The following MAST1 variants were observed in gnomAD, a reference collection of about 807,000 sequenced individuals.
The protein encoded by MAST1 is microtubule-associated serine/threonine-protein kinase 1.
Under a neutral mutation model 124.6 loss-of-function variants are expected in MAST1, and 40 were observed. The observed-to-expected ratio is 0.32, with a 90% confidence interval of 0.25 to 0.42. MAST1 has a LOEUF of 0.42. MAST1 is among the 10% of genes least tolerant of loss of function. The pLI is 1.00. For missense variants in MAST1, 1,558 were observed against 2,181.9 expected (o/e 0.71, Z 5.70); for synonymous variants, 938 against 939.4 (o/e 1.00, Z 0.03).
At chr19:12,858,469 G>A (rs1970042721) in intron 11 of MAST1, 28 bp downstream of exon 11, 2 of 1,612,442 alleles carry the variant, frequency 1.2e-6, no homozygotes, top group Non-Finnish European at 8.5e-7. Flanking sequence ...CTGGCGGGGG[G>A]AGGGTGGCGG....
At chr19:12,869,007 A>T in intron 21 of MAST1, 59 bp from the exon 22 acceptor site, 1 of 1,576,222 alleles carries the variant, frequency 6.3e-7, no homozygotes, top group Non-Finnish European at 8.7e-7. Context: ...GGAGGAGCAG[A>T]TACAGGGAGA....
At chr19:12,869,327 G>C in intron 22 of MAST1, 32 bp downstream of exon 22, 2 of 1,577,592 alleles carry the variant, frequency 1.3e-6, no homozygotes, top group Non-Finnish European at 1.7e-6. Flanking sequence ...CTCCATCACA[G>C]AGTGGAGGGT....
At position 12,873,928 on chromosome 19, in the gene MAST1, C is replaced by T. The variant is rs761858775; in HGVS notation, c.3771C>T (p.Arg1257=). ...RPRPKSAEPP[R]SPLLKRVQSA... is the part of the protein sequence containing the mutation. The stretch of plus-strand genomic sequence containing the variant: ...GCCCCAAGAGTGCCGAGCCCCCTCG[C>T]TCGCCGCTCCTCAAGCGCGTGCAGT... The change falls in exon 26 of 26, where the codon CGC becomes CGT. Residue 1257 remains arginine, a synonymous_variant. Transcript: ENST00000251472. 4 of 1,588,730 alleles carry T rather than the reference C, an allele frequency of 2.5e-6. No homozygotes were observed. The highest frequency in any genetic ancestry group is 2.2e-5 in the South Asian group (2 of 89,146).
In MAST1 at chr19:12,852,260, G is replaced by A. The variant is rs768323009; in HGVS notation, c.1009+13G>A. 2 of 1,614,022 alleles carry A rather than the reference G, an allele frequency of 1.2e-6. No homozygotes were observed. Among genetic ancestry groups the A allele is most frequent in the South Asian group, 2.2e-5 (2 of 91,084 alleles). ...GACCCCTTTCCAGGTGCCGGCTGGT[G>A]GGCGCAGGGGGACTGGGGGTGAGCA... On this transcript the variant is annotated intron_variant, in intron 9 of 25. Transcript: ENST00000251472.
rs765888278 is a variant in MAST1, at chr19:12,873,484, C to G, written c.3424C>G (p.Arg1142Gly). Reference protein sequence around the residue: ...LPARSPTHSYRSTPDSAYLGA... With the variant: ...LPARSPTHSYGSTPDSAYLGA... Reference sequence around the variant, plus strand: ...GGCGCGCTCGCCCACGCACAGCTACCGCTCCACGCCTGACTCCGCCTACCT... The same window carrying G: ...GGCGCGCTCGCCCACGCACAGCTACGGCTCCACGCCTGACTCCGCCTACCT... The change falls in exon 25 of 26, where the codon CGC becomes GGC. Residue 1142 changes from arginine (R) to glycine (G), a missense_variant. Transcript: ENST00000251472. 3.7e-6 allele frequency: 6 copies of G among 1,607,284 alleles called. No homozygotes were observed. In the South Asian group the frequency reaches 4.4e-5, roughly 12 times the overall value.
Position 12,867,961 on chromosome 19 carries a change from C to G in MAST1, c.2550C>G (p.Ala850=). The G allele has an allele frequency of 2.6e-6, 4 of 1,554,940 alleles. No individual in the cohort carries two copies. Among genetic ancestry groups the G allele is most frequent in the Non-Finnish European group, 3.5e-6 (4 of 1,153,440 alleles). Reference sequence around the variant, plus strand: ...CTCAAGGGGAAGGCACCTCCAGCGCCGGGGACTCCGAGGCCAGTGAGTGCC... The same window carrying G: ...CTCAAGGGGAAGGCACCTCCAGCGCGGGGGACTCCGAGGCCAGTGAGTGCC... ...EETQGEGTSS[A]GDSEATDRPR... The change falls in exon 20 of 26, where the codon GCC becomes GCG. Residue 850 remains alanine (A), a synonymous_variant. Coordinates refer to ENST00000251472, the MANE Select transcript of MAST1 (RefSeq NM_014975.3).
chr19:12,845,161 G>A (rs1969876992), intron 4 of MAST1, among the ~76,000 whole-genome samples: 1 of 152,048 alleles, frequency 6.6e-6, no homozygotes, highest in Non-Finnish European at 1.5e-5. Context: ...AATGAGCCAG[G>A]CGTGGTCATG....
At chr19:12,871,829 T>C (rs1970238266) in intron 24 of MAST1, among the ~76,000 whole-genome samples, 1 of 149,452 alleles carries the variant, frequency 6.7e-6, no homozygotes, top group Non-Finnish European at 1.5e-5. Flanking sequence ...AGTGGGAGGA[T>C]TGCTTGAGCC....
In MAST1 at chr19:12,866,798, C is replaced by G. The variant is rs755533006; in HGVS notation, c.2139+36C>G. 3.2e-6 allele frequency: 5 copies of G among 1,544,066 alleles called. No homozygotes were observed. In the South Asian group the frequency reaches 5.7e-5, roughly 18 times the overall value. ...TCTGGGTGTGGGACAGGGCGAGACC[C>G]CAGGAGGGATGGGGCTTGGAGAGAC... On this transcript the variant is annotated intron_variant, in intron 18 of 25. Coordinates refer to ENST00000251472, the MANE Select transcript of MAST1 (RefSeq NM_014975.3). This position sits in a 1 kb window ranked among gnomAD's most constrained non-coding sequence, Gnocchi z 5.2.
rs953531786 is a variant in MAST1 at position 12,843,976 on chromosome 19, T to C, written c.327+369T>C. Among the ~76,000 whole-genome samples the C allele has an allele frequency of 6.6e-6, 1 of 152,174 alleles. No homozygotes were observed. The highest frequency in any genetic ancestry group is 2.4e-5 in the African/African-American group (1 of 41,420). On this transcript the variant is annotated intron_variant, in intron 4 of 25. Transcript: ENST00000251472. The surrounding 1 kb of genome is among the most constrained non-coding windows in gnomAD (Gnocchi z 4.9). ...GAGATCGCACTGCAGCATTCCAGTC[T>C]GGATGACAGAGTGAGACCCTGTCTC...
intron 12 of MAST1, among the ~76,000 whole-genome samples, chr19:12,859,676 C>A (rs932129831): frequency 6.6e-6 from 1 of 151,912 alleles, no homozygotes. Flanking sequence ...CTCCTATAAT[C>A]CCAGCTACTC....
rs761534122 is a variant in MAST1, at chr19:12,867,487, T to G, written c.2153T>G (p.Met718Arg). The change falls in exon 19 of 26, where the codon ATG becomes AGG. Residue 718 changes from methionine to arginine, a missense_variant. Met to Arg is a moderately conservative substitution (Grantham distance 91). This residue lies in a region of MAST1 where 287 missense variants were observed against 308.0 expected (regional missense o/e 0.93). Transcript: ENST00000251472. ...SPRFSKVYSS[M>R]EQLSQHEPKT... is the part of the protein sequence containing the mutation. The stretch of plus-strand genomic sequence containing the variant: ...CACCACCTACAGGTGTATAGCAGCA[T>G]GGAGCAGCTGTCGCAGCACGAGCCC... 1 of 1,613,442 alleles carries G rather than the reference T, an allele frequency of 6.2e-7. No individual in the cohort carries two copies. The highest frequency in any genetic ancestry group is 8.5e-7 in the Non-Finnish European group (1 of 1,179,988).
intron 10 of MAST1, among the ~76,000 whole-genome samples, chr19:12,852,622 T>C (rs1055076324): frequency 1.3e-5 from 2 of 151,516 alleles, no homozygotes; most frequent in Non-Finnish European, 2.9e-5. Context: ...GCAGATCACC[T>C]GAGGTCGGGA....
In MAST1 at chr19:12,844,408, A is replaced by G. The variant is rs184856176; in HGVS notation, c.327+801A>G. Among the ~76,000 whole-genome samples, 258 of 152,344 alleles carry G rather than the reference A, an allele frequency of 1.7e-3. 1 individual carries two copies. Among genetic ancestry groups the G allele is most frequent in the African/African-American group, 6.0e-3 (251 of 41,578 alleles). On this transcript the variant is annotated intron_variant, in intron 4 of 25. Transcript: ENST00000251472. ...GTAGGCGGGTTCTGCAAGCTGGGCC[A>G]GAGTGTAAATATTCACGCAGCCCTC...
intron 12 of MAST1, among the ~76,000 whole-genome samples, chr19:12,863,511 C>T (rs1970111620): frequency 6.6e-6 from 1 of 152,174 alleles, no homozygotes; most frequent in Middle Eastern, 3.2e-3. Context: ...GATGTAGGTG[C>T]TCAAACCATT....
chr19:12,864,179 G>T lies in MAST1; in HGVS notation c.1367-630G>T, dbSNP rs563709496. Reference sequence around the variant, plus strand: ...TGACCTCAAGTGATCCACCCGCCTTGGCTTCCCAAAGTGCTGGGATTTCAG... The same window carrying T: ...TGACCTCAAGTGATCCACCCGCCTTTGCTTCCCAAAGTGCTGGGATTTCAG... On this transcript the variant is annotated intron_variant, in intron 12 of 25. Coordinates refer to ENST00000251472, the MANE Select transcript of MAST1 (RefSeq NM_014975.3). 1.2e-4 allele frequency among the ~76,000 whole-genome samples: 18 copies of T among 152,098 alleles called. No homozygotes were observed. The East Asian group carries it at 3.1e-3, about 26-fold the overall frequency.
At chr19:12,868,265 C>T (rs1193226685) in intron 20 of MAST1, among the ~76,000 whole-genome samples, 2 of 151,486 alleles carry the variant, frequency 1.3e-5, no homozygotes, top group Non-Finnish European at 2.9e-5. Flanking sequence ...CGCGCCACTA[C>T]CCCCGGCTAA....
At chr19:12,858,486 G>T (rs974691406) in intron 11 of MAST1, 45 bp downstream of exon 11, 9 of 1,611,924 alleles carry the variant, frequency 5.6e-6, no homozygotes, top group Non-Finnish European at 7.6e-6. Context: ...GCGGAGGCCG[G>T]GTGTCTCGGA....
Position 12,874,251 on chromosome 19 carries a change from G to A in MAST1, c.4094G>A (p.Gly1365Asp), listed in dbSNP as rs1272373699. The change falls in exon 26 of 26, where the codon GGC becomes GAC. Residue 1365 changes from glycine (G) to aspartate (D), a missense_variant. This residue lies in a region of MAST1 where 263 missense variants were observed against 310.9 expected (regional missense o/e 0.85). Transcript: ENST00000251472. This position sits in a 1 kb window ranked among gnomAD's most constrained non-coding sequence, Gnocchi z 6.6. ...VSSKEKESPGGAEACTPPRAT... is the reference protein window; with the variant it reads ...VSSKEKESPGDAEACTPPRAT... ...AGCAAGGAGAAGGAATCCCCGGGGG[G>A]CGCCGAGGCGTGCACCCCACCCCGC... 3 of 1,564,880 alleles carry A rather than the reference G, an allele frequency of 1.9e-6. No individual in the cohort carries two copies. Among genetic ancestry groups the A allele is most frequent in the Admixed American group, 1.8e-5 (1 of 55,224 alleles).
Sources: allele counts gnomAD v4.1 joint callset (sites outside exome capture counted in the v4.1 genomes callset), GRCh38; gene constraint gnomAD v4.1.1; regional missense constraint gnomAD v4.1.1; non-coding constraint Gnocchi (gnomAD v3.1); transcripts MANE v1.5; gene names NCBI Gene and HGNC (gene_info 2026-07-23, HGNC 2026-07-21).